COL6A6: variants seen among roughly 807,000 people sequenced by gnomAD.
The protein encoded by COL6A6 is collagen type VI alpha 6 chain, also known as collagen alpha-6(VI) chain.
Under a neutral mutation model 208.6 loss-of-function variants are expected in COL6A6, and 183 were observed. That is an observed-to-expected ratio of 0.88 (90% CI 0.78 to 0.99). The LOEUF is 0.99. Among genes scored for constraint, COL6A6 ranks in the 50% least tolerant of loss-of-function variants. The probability of loss-of-function intolerance (pLI) is 0.00; values close to 1 mark genes in which losing one functional copy is unlikely to be tolerated. For missense variants in COL6A6, 2,816 were observed against 2,815.2 expected, an observed-to-expected ratio of 1.00 and a Z score of -0.01; for synonymous variants, 973 against 1,011.8, an observed-to-expected ratio of 0.96 and a Z score of 0.73.
intron 33 of COL6A6, among the ~76,000 whole-genome samples, chr3:130,656,269 A>T (rs973671236): frequency 6.6e-6 from 1 of 152,208 alleles, no homozygotes; most frequent in East Asian, 1.9e-4. Flanking sequence ...TTTGTCCTGC[A>T]TCCTGGAAGA....
chr3:130,592,314 G>A (rs1042622282), intron 13 of COL6A6, among the ~76,000 whole-genome samples: 1 of 152,190 alleles, frequency 6.6e-6, no homozygotes, highest in Admixed American at 6.5e-5. Flanking sequence ...CACTTGGTGA[G>A]AGAGAAGTCT....
chr3:130,635,439 G>C (rs2065083033), intron 27 of COL6A6, among the ~76,000 whole-genome samples: 1 of 152,112 alleles, frequency 6.6e-6, no homozygotes, highest in Non-Finnish European at 1.5e-5. Context: ...AGAGTCAGAG[G>C]ATAAAATAAA....
intron 15 of COL6A6, 43 bp from the exon 16 acceptor site, chr3:130,593,018 A>T: frequency 6.4e-7 from 1 of 1,557,270 alleles, no homozygotes; most frequent in African/African-American, 1.4e-5. Flanking sequence ...TTCTTTACAC[A>T]TGCACGTGAT....
chr3:130,607,058 C>A (rs1236499932), intron 21 of COL6A6, 92 bp downstream of exon 21: 2 of 974,952 alleles, frequency 2.1e-6, no homozygotes, highest in Non-Finnish European at 3.0e-6. Flanking sequence ...CTAAACTTCC[C>A]TTTTTGATGA....
chr3:130,669,183 T>C (rs993453123), intron 36 of COL6A6, among the ~76,000 whole-genome samples: 1 of 152,098 alleles, frequency 6.6e-6, no homozygotes, highest in Non-Finnish European at 1.5e-5. Flanking sequence ...TCACCTGAGG[T>C]CAGGAGTTCA....
Position 130,567,183 on chromosome 3 carries a change from G to T in COL6A6, c.1764G>T (p.Lys588Asn), listed in dbSNP as rs746268517. ...TQLREIAGEE[K>N]RVYYVHDFDA... ...TGAGAGAAATTGCAGGAGAGGAAAA[G>T]AGAGTGTATTACGTGCATGACTTTG... is the stretch of plus-strand genomic sequence containing the variant. The change falls in exon 5 of 37, where the codon AAG becomes AAT. Residue 588 changes from lysine to asparagine, a missense_variant. Physicochemically the swap from Lys to Asn is moderately conservative, Grantham distance 94 (BLOSUM62 0). Coordinates refer to ENST00000358511, the MANE Select transcript of COL6A6 (RefSeq NM_001102608.3). 1 of 1,613,612 alleles carries T rather than the reference G, an allele frequency of 6.2e-7. No individual in the cohort carries two copies. The highest frequency in any genetic ancestry group is 8.5e-7 in the Non-Finnish European group (1 of 1,179,872).
Position 130,568,222 on chromosome 3 carries a change from G to C in COL6A6, c.2019G>C (p.Glu673Asp). 6.2e-7 allele frequency: 1 copy of C among 1,614,012 alleles called. No individual in the cohort carries two copies. Among genetic ancestry groups the C allele is most frequent in the African/African-American group, 1.3e-5 (1 of 75,056 alleles). Residue 673 changes from glutamate (E) to aspartate (D), a missense_variant, in exon 6 of 37, where the codon GAG becomes GAC. By Grantham distance (45) the Glu-to-Asp change is conservative. Transcript: ENST00000358511. ...VVQFSDINKE[E>D]FQLNRFMSQS... ...AGTTCAGCGACATCAATAAGGAAGA[G>C]TTTCAGCTCAACAGATTCATGTCCC...
At chr3:130,546,850 A>G (rs546195612) in intron 1 of COL6A6, among the ~76,000 whole-genome samples, 3 of 152,330 alleles carry the variant, frequency 2.0e-5, no homozygotes, top group East Asian at 3.9e-4. Flanking sequence ...AAGTTCTTCA[A>G]GTCCCCACTA....
chr3:130,560,268 C>T (rs1406361310), intron 1 of COL6A6, 66 bp from the exon 2 acceptor site: 2 of 986,982 alleles, frequency 2.0e-6, no homozygotes, highest in East Asian at 2.5e-5. Flanking sequence ...TTTGTATGCT[C>T]TTGTATGTGA....
At chr3:130,526,359 A>T (rs1048710624) in intron 1 of COL6A6, among the ~76,000 whole-genome samples, 2 of 152,054 alleles carry the variant, frequency 1.3e-5, no homozygotes, top group African/African-American at 4.8e-5. Flanking sequence ...AGTGGAGGGA[A>T]TGAGGAGAGT....
intron 13 of COL6A6, among the ~76,000 whole-genome samples, chr3:130,592,256 A>G (rs1312406676): frequency 1.3e-5 from 2 of 152,226 alleles, no homozygotes; most frequent in African/African-American, 4.8e-5. Flanking sequence ...TGCTTAGGAC[A>G]GTATGACTAG....
intron 18 of COL6A6, among the ~76,000 whole-genome samples, chr3:130,594,637 A>G (rs922520727): frequency 6.6e-6 from 1 of 152,220 alleles, no homozygotes; most frequent in Non-Finnish European, 1.5e-5. Context: ...ATTATCTTCC[A>G]AGCACCTCAA....
chr3:130,602,699 T>A (rs995620264), intron 20 of COL6A6, among the ~76,000 whole-genome samples: 2 of 152,220 alleles, frequency 1.3e-5, no homozygotes, highest in Admixed American at 1.3e-4. Flanking sequence ...TAAAATTAGA[T>A]GTAATATTTT....
intron 36 of COL6A6, among the ~76,000 whole-genome samples, chr3:130,673,829 T>G (rs2066293347): frequency 6.6e-6 from 1 of 151,994 alleles, no homozygotes; most frequent in Non-Finnish European, 1.5e-5. Context: ...TGGAGGCACA[T>G]ACCTGTAGTC....
chr3:130,623,219 A>C (rs538381162), intron 24 of COL6A6, among the ~76,000 whole-genome samples: 1 of 152,314 alleles, frequency 6.6e-6, no homozygotes, highest in South Asian at 2.1e-4. Flanking sequence ...GCACTTTGGG[A>C]AGCCGAGCCA....
chr3:130,642,813 G>A lies in COL6A6; in HGVS notation c.5155-19G>A. 6.2e-7 allele frequency: 1 copy of A among 1,609,730 alleles called. No individual in the cohort carries two copies. The highest frequency in any genetic ancestry group is 8.5e-7 in the Non-Finnish European group (1 of 1,176,590). On this transcript the variant is annotated intron_variant, in intron 29 of 36. Coordinates refer to ENST00000358511, the MANE Select transcript of COL6A6 (RefSeq NM_001102608.3). ...GTATGTCTAGAGGCATTAAAACAAT[G>A]TTTTGTTTGTTTTCCTAGGGTGTGA...
Position 130,629,009 on chromosome 3 carries a change from C to T in COL6A6, c.4992+1640C>T, listed in dbSNP as rs940823994. ...GAGCGCCTCTCCTCCTCCAAAGGAA[C>T]GCAGTTCCTCACCAGCAACAGAACA... is the stretch of plus-strand genomic sequence containing the variant. On this transcript the variant is annotated intron_variant, in intron 26 of 36. Coordinates refer to ENST00000358511, the MANE Select transcript of COL6A6 (RefSeq NM_001102608.3). Among the ~76,000 whole-genome samples the T allele has an allele frequency of 1.7e-4, 12 of 69,172 alleles. 1 individual carries two copies. Among genetic ancestry groups the T allele is most frequent in the East Asian group, 3.7e-4 (1 of 2,692 alleles). The allele number at this position is 69,172 out of a possible 152,430, so 45.4% of individuals were successfully genotyped here.
intron 12 of COL6A6, among the ~76,000 whole-genome samples, chr3:130,590,608 C>A (rs2063685099): frequency 6.6e-6 from 1 of 151,808 alleles, no homozygotes; most frequent in Non-Finnish European, 1.5e-5. Context: ...CGCTCTGCCG[C>A]CCAGGCTGGA....
chr3:130,673,775 T>C (rs186084652), intron 36 of COL6A6, among the ~76,000 whole-genome samples: 1 of 152,122 alleles, frequency 6.6e-6, no homozygotes, highest in African/African-American at 2.4e-5. Context: ...TTGGGCAACA[T>C]AGTGAGACCT....
Sources: gnomAD v4.1 joint callset for allele counts (sites outside exome capture counted in the v4.1 genomes callset) on GRCh38, gnomAD v4.1.1 for gene constraint, MANE v1.5 for transcripts, NCBI Gene and HGNC (gene_info 2026-07-23, HGNC 2026-07-21) for gene names.